CSMD1: variants seen among roughly 807,000 people sequenced by gnomAD.
CSMD1 encodes the protein CUB and Sushi multiple domains 1.
Under a neutral mutation model 417.5 loss-of-function variants are expected in CSMD1, and 213 were observed. The ratio of observed to expected loss-of-function variants is 0.51; its 90% CI spans 0.46 to 0.57. CSMD1 has a LOEUF of 0.57. Among genes scored for constraint, CSMD1 ranks in the 20% least tolerant of loss-of-function variants. The pLI is 0.00. For synonymous variants in CSMD1, 2,862 were observed against 1,736.8 expected, an observed-to-expected ratio of 1.65 and a Z score of -16.11; for missense variants, 6,923 against 4,529.7, an observed-to-expected ratio of 1.53 and a Z score of -15.17.
intron 3 of CSMD1, among the ~76,000 whole-genome samples, chr8:4,127,999 C>T (rs1248738327): frequency 2.6e-5 from 4 of 152,192 alleles, no homozygotes; most frequent in Non-Finnish European, 4.4e-5. Context: ...GAAAGGGATG[C>T]TGTCACTTGA....
intron 3 of CSMD1, among the ~76,000 whole-genome samples, chr8:4,134,506 C>G (rs1803300265): frequency 6.6e-6 from 1 of 152,172 alleles, no homozygotes; most frequent in Non-Finnish European, 1.5e-5. Context: ...CTTCCAGCCT[C>G]CAGAACTGTG....
chr8:4,054,320 G>C (rs1275242984), intron 3 of CSMD1, among the ~76,000 whole-genome samples: 1 of 152,128 alleles, frequency 6.6e-6, no homozygotes, highest in African/African-American at 2.4e-5. Context: ...TCTCCTCTGG[G>C]GAGCTGGGGT....
intron 29 of CSMD1, 50 bp from the exon 30 acceptor site, chr8:3,214,741 G>A (rs1406050851): frequency 6.9e-7 from 1 of 1,443,480 alleles, no homozygotes; most frequent in East Asian, 2.5e-5. Flanking sequence ...TCTTATTCTT[G>A]TTTGTGTTTT....
At chr8:4,454,691 G>A (rs1214029247) in intron 2 of CSMD1, among the ~76,000 whole-genome samples, 6 of 152,148 alleles carry the variant, frequency 3.9e-5, no homozygotes, top group Admixed American at 3.9e-4. Context: ...TCTCTACATA[G>A]CAGCTAATCA....
chr8:3,063,119 C>A (rs1370943121), intron 49 of CSMD1, among the ~76,000 whole-genome samples: 2 of 152,070 alleles, frequency 1.3e-5, no homozygotes, highest in African/African-American at 4.8e-5. Context: ...TAAAAACTTA[C>A]AGAAGGATTT....
At chr8:4,106,274 T>C (rs756933877) in intron 3 of CSMD1, among the ~76,000 whole-genome samples, 2 of 152,240 alleles carry the variant, frequency 1.3e-5, no homozygotes, top group Non-Finnish European at 2.9e-5. Flanking sequence ...TTAATGTATG[T>C]GTTTCTGTGG....
chr8:3,552,522 A>C (rs1159395369), intron 10 of CSMD1, among the ~76,000 whole-genome samples: 2 of 152,190 alleles, frequency 1.3e-5, no homozygotes, highest in African/African-American at 4.8e-5. Context: ...AGAGACTCAA[A>C]AGTTTTTTTG....
Position 3,908,465 on chromosome 8 carries a change from C to T in CSMD1, c.818+89438G>A, listed in dbSNP as rs186656550. ...GCAGATTTTCGGTGCACACACATTC[C>T]CTGGGCCTTTACACATCCAGTATCC... On this transcript the variant is annotated intron_variant, in intron 5 of 69. Coordinates refer to ENST00000635120, the MANE Select transcript of CSMD1 (RefSeq NM_033225.6). 1.9e-3 allele frequency among the ~76,000 whole-genome samples: 286 copies of T among 152,160 alleles called. 1 individual carries two copies. The highest frequency in any genetic ancestry group is 6.5e-3 in the African/African-American group (268 of 41,510).
At chr8:4,658,827 A>C (rs1223489734) in intron 1 of CSMD1, among the ~76,000 whole-genome samples, 2 of 152,166 alleles carry the variant, frequency 1.3e-5, no homozygotes, top group Non-Finnish European at 1.5e-5. Context: ...ATTTATGAGG[A>C]TATAATATGT....
intron 5 of CSMD1, among the ~76,000 whole-genome samples, chr8:3,755,134 A>G (rs1252652990): frequency 1.3e-5 from 2 of 152,198 alleles, no homozygotes; most frequent in African/African-American, 4.8e-5. Context: ...AAGATATTAA[A>G]GCTCCTGCCC....
chr8:4,067,869 G>T (rs950381035), intron 3 of CSMD1, among the ~76,000 whole-genome samples: 1 of 152,128 alleles, frequency 6.6e-6, no homozygotes, highest in Non-Finnish European at 1.5e-5. Context: ...ATGAGGTCAA[G>T]AGATGGAGAC....
intron 5 of CSMD1, among the ~76,000 whole-genome samples, chr8:3,836,529 C>G (rs558289852): frequency 6.6e-6 from 1 of 152,206 alleles, no homozygotes; most frequent in East Asian, 1.9e-4. Flanking sequence ...CCCTTTAGAG[C>G]AAGAACTAGG....
At chr8:4,072,389 G>T (rs1799605333) in intron 3 of CSMD1, among the ~76,000 whole-genome samples, 1 of 152,046 alleles carries the variant, frequency 6.6e-6, no homozygotes, top group African/African-American at 2.4e-5. Context: ...TTAGTTTACT[G>T]CATTCTATGT....
intron 2 of CSMD1, among the ~76,000 whole-genome samples, chr8:4,451,926 A>C (rs77300968): frequency 2.7e-5 from 4 of 149,318 alleles, no homozygotes. Context: ...CAGAGATGTA[A>C]AATTTAATGT....
At chr8:3,606,469 T>A (rs60745881) in intron 8 of CSMD1, among the ~76,000 whole-genome samples, 2 of 151,066 alleles carry the variant, frequency 1.3e-5, no homozygotes, top group Non-Finnish European at 3.0e-5. Flanking sequence ...AGAAAAGATA[T>A]GGTATGAAAG....
Position 4,694,376 on chromosome 8 carries a change from G to T in CSMD1, c.86-56818C>A, listed in dbSNP as rs531648078. On this transcript the variant is annotated intron_variant, in intron 1 of 69. Coordinates refer to ENST00000635120, the MANE Select transcript of CSMD1 (RefSeq NM_033225.6). Reference sequence around the variant, plus strand: ...TTATTTTTTTTATTTTTTTGAGACGGAGTCTCGCTCTGTCGCCCAGGCTAG... The same window carrying T: ...TTATTTTTTTTATTTTTTTGAGACGTAGTCTCGCTCTGTCGCCCAGGCTAG... Among the ~76,000 whole-genome samples the T allele has an allele frequency of 1.1e-4, 17 of 151,928 alleles. No individual in the cohort carries two copies. In the East Asian group the frequency reaches 1.4e-3, roughly 12 times the overall value.
At chr8:4,101,183 A>C (rs537694792) in intron 3 of CSMD1, among the ~76,000 whole-genome samples, 7 of 152,304 alleles carry the variant, frequency 4.6e-5, no homozygotes, top group African/African-American at 1.7e-4. Flanking sequence ...ATCTGAATAC[A>C]TCTATATGCC....
intron 1 of CSMD1, among the ~76,000 whole-genome samples, chr8:4,653,268 C>G (rs1804023976): frequency 2.0e-5 from 3 of 152,076 alleles, no homozygotes; most frequent in Non-Finnish European, 4.4e-5. Flanking sequence ...TGATTGGATC[C>G]ACAGACTCCC....
At chr8:4,377,325 C>T (rs1324633671) in intron 3 of CSMD1, among the ~76,000 whole-genome samples, 2 of 152,106 alleles carry the variant, frequency 1.3e-5, no homozygotes, top group South Asian at 2.1e-4. Context: ...AAACCTTGGT[C>T]GGGGGAGGCT....
Sources: gnomAD v4.1 joint callset for allele counts (sites outside exome capture counted in the v4.1 genomes callset) on GRCh38, gnomAD v4.1.1 for gene constraint, MANE v1.5 for transcripts, NCBI Gene and HGNC (gene_info 2026-07-23, HGNC 2026-07-21) for gene names.